The following GRIK4 variants were observed in gnomAD, a reference collection of about 807,000 sequenced individuals.
GRIK4 encodes the protein glutamate receptor ionotropic, kainate 4.
Under a neutral mutation model 104.9 loss-of-function variants are expected in GRIK4, and 40 were observed. That is an observed-to-expected ratio of 0.38 (90% CI 0.30 to 0.50). The LOEUF is 0.50. GRIK4 is among the 20% of genes least tolerant of loss of function. The pLI is 0.93. For synonymous variants in GRIK4, 485 were observed against 524.9 expected, an observed-to-expected ratio of 0.92 and a Z score of 1.04; for missense variants, 1,047 against 1,308.1, an observed-to-expected ratio of 0.80 and a Z score of 3.08.
rs933005274 is a variant in GRIK4, at chr11:120,948,763, C to G, written c.1591-4092C>G. On this transcript the variant is annotated intron_variant, in intron 14 of 20. Transcript: ENST00000527524. ...AGGAAGTTCCCGCCTTTGTAACACACCATCTCCCCACTCCCCCTTCACTCA... is the reference window on the plus strand; with the variant it reads ...AGGAAGTTCCCGCCTTTGTAACACAGCATCTCCCCACTCCCCCTTCACTCA... 2.0e-5 allele frequency among the ~76,000 whole-genome samples: 3 copies of G among 152,216 alleles called. No homozygotes were observed. The East Asian group carries it at 5.8e-4, about 29-fold the overall frequency.
At chr11:120,636,111 A>G (rs1949393586) in intron 1 of GRIK4, among the ~76,000 whole-genome samples, 1 of 152,066 alleles carries the variant, frequency 6.6e-6, no homozygotes, top group Admixed American at 6.6e-5. Context: ...GTTCATTTTC[A>G]TTGCTGTGTA....
At chr11:120,834,753 C>G (rs373202355) in intron 7 of GRIK4, among the ~76,000 whole-genome samples, 2 of 152,204 alleles carry the variant, frequency 1.3e-5, no homozygotes, top group South Asian at 4.1e-4. Flanking sequence ...TATTGAGCGG[C>G]TGTTCCAGCA....
chr11:120,764,330 C>T (rs994737358), intron 3 of GRIK4, among the ~76,000 whole-genome samples: 2 of 152,060 alleles, frequency 1.3e-5, no homozygotes, highest in South Asian at 2.1e-4. Context: ...TTTGAGCCCA[C>T]GTGTGTCTTT....
chr11:120,753,340 T>C (rs3132783), intron 3 of GRIK4, among the ~76,000 whole-genome samples: 16,835 of 147,674 alleles, frequency 0.11, 1,237 homozygotes, highest in South Asian at 0.25. Context: ...TGTGTGTGTG[T>C]GTGCAGGGTG....
At chr11:120,628,607 G>T (rs1949289868) in intron 1 of GRIK4, among the ~76,000 whole-genome samples, 1 of 152,190 alleles carries the variant, frequency 6.6e-6, no homozygotes, top group Non-Finnish European at 1.5e-5. Flanking sequence ...TGACACAAGG[G>T]TTAGCAGTGC....
At chr11:120,672,723 C>G (rs550367459) in intron 3 of GRIK4, among the ~76,000 whole-genome samples, 89 of 152,150 alleles carry the variant, frequency 5.8e-4, no homozygotes, top group Admixed American at 5.1e-3. Context: ...TGATTTGGCT[C>G]TCTGTCTATT....
chr11:120,986,133 G>T lies in GRIK4; in HGVS notation c.2744G>T (p.Gly915Val). The T allele has an allele frequency of 6.6e-7, 1 of 1,526,220 alleles. No homozygotes were observed. The highest frequency in any genetic ancestry group is 8.7e-7 in the Non-Finnish European group (1 of 1,145,600). The allele number at this position is 1,526,220 out of a possible 1,614,324, so 94.5% of individuals were successfully genotyped here. ...LAQEAALVAR[G>V]CTHIRVCPEC... ...CAGGAGGCCGCCCTGGTGGCCCGCG[G>T]CTGCACGCACATCCGCGTCTGCCCC... Residue 915 changes from glycine to valine, a missense_variant, in exon 21 of 21, where the codon GGC becomes GTC. Coordinates refer to ENST00000527524, the MANE Select transcript of GRIK4 (RefSeq NM_014619.5).
intron 3 of GRIK4, among the ~76,000 whole-genome samples, chr11:120,759,743 A>G (rs7112522): frequency 0.095 from 14,460 of 152,134 alleles, 1,246 homozygotes; most frequent in African/African-American, 0.22. Flanking sequence ...AGCGATTGGC[A>G]GAGTTTTTCC....
At chr11:120,887,301 G>A (rs754857983) in intron 11 of GRIK4, among the ~76,000 whole-genome samples, 68 of 152,222 alleles carry the variant, frequency 4.5e-4, no homozygotes, top group Non-Finnish European at 8.8e-4. Context: ...GCCTCCTACC[G>A]TCACCTGTCT....
chr11:120,986,273 C>A lies in GRIK4; in HGVS notation c.*13C>A, dbSNP rs1312446315. The stretch of plus-strand genomic sequence containing the variant: ...CGAGCCCGAGTAGTCCCGGAGGCCA[C>A]AGGACGCGCAGAGGCCGGGCGGGGC... On this transcript the variant is annotated 3_prime_UTR_variant, in exon 21 of 21. Transcript: ENST00000527524. The A allele has an allele frequency of 2.0e-6, 3 of 1,535,570 alleles. No individual in the cohort carries two copies. In the African/African-American group the frequency reaches 4.3e-5, roughly 22 times the overall value.
chr11:120,660,835 T>A (rs546152734), intron 3 of GRIK4, among the ~76,000 whole-genome samples: 239 of 152,252 alleles, frequency 1.6e-3, no homozygotes, highest in Non-Finnish European at 2.8e-3. Flanking sequence ...AGGAGTCTGC[T>A]GGCGTGGCCT....
chr11:120,866,104 C>T (rs554202154), intron 9 of GRIK4, among the ~76,000 whole-genome samples: 3 of 152,288 alleles, frequency 2.0e-5, no homozygotes, highest in Admixed American at 1.3e-4. Context: ...CCAACCCACC[C>T]GGGTCACTGC....
chr11:120,660,584 T>C (rs1289169527), intron 3 of GRIK4, among the ~76,000 whole-genome samples, 184 bp downstream of exon 3: 1 of 152,180 alleles, frequency 6.6e-6, no homozygotes, highest in African/African-American at 2.4e-5. Flanking sequence ...ACCACTCCGA[T>C]CTGGTCAACC....
At chr11:120,822,125 C>T (rs1185018454) in intron 6 of GRIK4, among the ~76,000 whole-genome samples, 1 of 146,560 alleles carries the variant, frequency 6.8e-6, no homozygotes, top group African/African-American at 2.5e-5. Flanking sequence ...ACACGAGAAT[C>T]ACTTGAACCC....
At chr11:120,926,286 A>G (rs1943344433) in intron 13 of GRIK4, among the ~76,000 whole-genome samples, 1 of 152,098 alleles carries the variant, frequency 6.6e-6, no homozygotes, top group Non-Finnish European at 1.5e-5. Context: ...ATTTCTTTTC[A>G]CTCCCTTCAA....
intron 3 of GRIK4, among the ~76,000 whole-genome samples, chr11:120,799,494 G>A (rs1952584909): frequency 6.6e-6 from 1 of 152,238 alleles, no homozygotes; most frequent in African/African-American, 2.4e-5. Context: ...AAATCCTTGA[G>A]TTTTTATAAG....
At chr11:120,890,034 T>C (rs1955239551) in intron 11 of GRIK4, among the ~76,000 whole-genome samples, 1 of 152,104 alleles carries the variant, frequency 6.6e-6, no homozygotes, top group African/African-American at 2.4e-5. Context: ...CCCAAGACCA[T>C]GTAGTAAGTT....
intron 19 of GRIK4, among the ~76,000 whole-genome samples, chr11:120,975,761 G>T (rs1944551552): frequency 6.6e-6 from 1 of 152,156 alleles, no homozygotes; most frequent in Non-Finnish European, 1.5e-5. Flanking sequence ...CCCCCCTGCA[G>T]CATGAGTGGA....
At chr11:120,761,292 GTTGT>G (rs1951744445) in intron 3 of GRIK4, among the ~76,000 whole-genome samples, 1 of 152,112 alleles carries the variant, frequency 6.6e-6, no homozygotes, top group South Asian at 2.1e-4. Flanking sequence ...TTTTGATGGG[GTTGT>G]TTGTTTTTTT....
Sources: gnomAD v4.1 joint callset for allele counts (sites outside exome capture counted in the v4.1 genomes callset) on GRCh38, gnomAD v4.1.1 for gene constraint, MANE v1.5 for transcripts, NCBI Gene and HGNC (gene_info 2026-07-23, HGNC 2026-07-21) for gene names.